Variants in SPTBN1 observed in about 807,000 individuals in gnomAD.
The protein encoded by SPTBN1 is spectrin beta chain, non-erythrocytic 1.
A neutral mutation model predicts 266.4 loss-of-function variants in SPTBN1; 32 were observed. The ratio of observed to expected loss-of-function variants is 0.12; its 90% CI spans 0.09 to 0.16. The LOEUF (loss-of-function observed/expected upper bound fraction) is 0.16, where lower values mean the gene tolerates loss of function less well. Among genes scored for constraint, SPTBN1 ranks in the 10% least tolerant of loss-of-function variants. The pLI, the probability that SPTBN1 is intolerant of heterozygous loss-of-function variation, is 1.00. For missense variants in SPTBN1, 2,296 were observed against 3,067.1 expected, an observed-to-expected ratio of 0.75 and a Z score of 5.94; for synonymous variants, 1,336 against 1,162.2, an observed-to-expected ratio of 1.15 and a Z score of -3.04.
rs149600669 is a variant in SPTBN1 at position 54,494,093 on chromosome 2, G to A, written c.-47-32279G>A. Among the ~76,000 whole-genome samples the A allele has an allele frequency of 1.4e-4, 22 of 152,270 alleles. No homozygotes were observed. In the East Asian group the frequency reaches 3.7e-3, roughly 25 times the overall value. On this transcript the variant is annotated intron_variant, in intron 1 of 35. Transcript: ENST00000356805. The stretch of plus-strand genomic sequence containing the variant: ...CCAAATCCTGAAAAGAATGAGGTAC[G>A]GTGTAGGAATTGGACAGCAGACAGA...
At chr2:54,485,943 C>T (rs1668352753) in intron 1 of SPTBN1, among the ~76,000 whole-genome samples, 1 of 150,064 alleles carries the variant, frequency 6.7e-6, no homozygotes, top group African/African-American at 2.5e-5. Flanking sequence ...GTGAGGAGAC[C>T]CTCTGCCTGG....
chr2:54,509,123 T>A (rs528494471), intron 1 of SPTBN1, among the ~76,000 whole-genome samples: 2 of 152,276 alleles, frequency 1.3e-5, no homozygotes, highest in East Asian at 3.9e-4. Flanking sequence ...TAGCCTGCCT[T>A]TGCTGGTGAG....
intron 2 of SPTBN1, among the ~76,000 whole-genome samples, chr2:54,574,901 C>T (rs1362019994): frequency 6.6e-6 from 1 of 152,176 alleles, no homozygotes; most frequent in East Asian, 1.9e-4. Flanking sequence ...TTATTTATCC[C>T]TTCAGTCACC....
chr2:54,619,418 T>C (rs891356095), intron 7 of SPTBN1, among the ~76,000 whole-genome samples: 7 of 152,206 alleles, frequency 4.6e-5, no homozygotes, highest in African/African-American at 1.7e-4. Flanking sequence ...AACCTTTTTT[T>C]CCCTATCGCA....
chr2:54,616,067 TTTCA>T, intron 4 of SPTBN1, 136 bp from the exon 5 acceptor site: 1 of 602,558 alleles, frequency 1.7e-6, no homozygotes, highest in East Asian at 3.1e-5. Context: ...AGGAAGCAGT[TTTCA>T]TTGACAGGGT....
At chr2:54,511,073 A>T (rs1383048451) in intron 1 of SPTBN1, among the ~76,000 whole-genome samples, 2 of 152,236 alleles carry the variant, frequency 1.3e-5, no homozygotes, top group Admixed American at 6.5e-5. Context: ...CTGGCCCCAC[A>T]GTAGACATAC....
chr2:54,503,324 A>G (rs1669373953), intron 1 of SPTBN1, among the ~76,000 whole-genome samples: 2 of 152,102 alleles, frequency 1.3e-5, no homozygotes, highest in South Asian at 4.1e-4. Flanking sequence ...ATGGAGGACT[A>G]GGCGTAGTGT....
intron 29 of SPTBN1, among the ~76,000 whole-genome samples, chr2:54,656,236 T>G (rs1680646216): frequency 6.6e-6 from 1 of 152,194 alleles, no homozygotes; most frequent in African/African-American, 2.4e-5. Context: ...GGATGTTCTT[T>G]AGGGATGACA....
intron 10 of SPTBN1, 55 bp from the exon 11 acceptor site, chr2:54,624,749 C>G (rs1162394858): frequency 6.2e-6 from 10 of 1,607,026 alleles, no homozygotes; most frequent in Non-Finnish European, 8.5e-6. Flanking sequence ...ACGGAAGTTT[C>G]CTTGAACACT....
chr2:54,471,563 C>G (rs1257801885), intron 1 of SPTBN1, among the ~76,000 whole-genome samples: 1 of 151,058 alleles, frequency 6.6e-6, no homozygotes, highest in African/African-American at 2.4e-5. Flanking sequence ...CAACATCTTA[C>G]TTGGTTGTCT....
chr2:54,650,019 G>T, intron 26 of SPTBN1, 30 bp downstream of exon 26: 1 of 1,576,676 alleles, frequency 6.3e-7, no homozygotes, highest in South Asian at 1.1e-5. Context: ...AGGGGTGCTG[G>T]GGAGGCTTTT....
Position 54,558,350 on chromosome 2 carries a change from T to A in SPTBN1, c.148+31784T>A, listed in dbSNP as rs553503917. On this transcript the variant is annotated intron_variant, in intron 2 of 35. Transcript: ENST00000356805. This position sits in a 1 kb window ranked among gnomAD's most constrained non-coding sequence, Gnocchi z 4.6. ...CGCCCAGCACACGGCGAGTGGCTCC[T>A]GATAAAATTACAAACCGGCGGCCGC... 2 of 998,524 alleles carry A rather than the reference T, an allele frequency of 2.0e-6. No individual in the cohort carries two copies. Among genetic ancestry groups the A allele is most frequent in the East Asian group, 1.1e-4 (1 of 9,030 alleles). 61.9% of individuals were successfully genotyped at this position (998,524 alleles called of 1,614,324 possible). A position where few individuals can be genotyped will look rare whatever the true frequency, so the allele number is the denominator to read the frequency against.
In SPTBN1 at chr2:54,489,046, C is replaced by T. The variant is rs536837318; in HGVS notation, c.-48+32528C>T. 5.3e-5 allele frequency among the ~76,000 whole-genome samples: 8 copies of T among 150,888 alleles called. No individual in the cohort carries two copies. The South Asian group carries it at 1.7e-3, about 32-fold the overall frequency. On this transcript the variant is annotated intron_variant, in intron 1 of 35. Coordinates refer to ENST00000356805, the MANE Select transcript of SPTBN1 (RefSeq NM_003128.3). The stretch of plus-strand genomic sequence containing the variant: ...AAATAAAATGCTGTAATTGGCCAGA[C>T]ATGGTAGCTCATGCCTGTAATCCCA...
chr2:54,626,105 T>C lies in SPTBN1; in HGVS notation c.1515T>C (p.Asn505=). 6.2e-7 allele frequency: 1 copy of C among 1,614,046 alleles called. No individual in the cohort carries two copies. The highest frequency in any genetic ancestry group is 8.5e-7 in the Non-Finnish European group (1 of 1,180,024). ...AGCGCATCACAGCGAGGAAGGACAA[T>C]GTCATCCGGCTCTGGGAATACCTAC... is the stretch of plus-strand genomic sequence containing the variant. The part of the protein sequence containing the change: ...DIKRITARKD[N]VIRLWEYLLE... The change falls in exon 12 of 36, where the codon AAT becomes AAC. Residue 505 remains asparagine (N), a synonymous_variant. Coordinates refer to ENST00000356805, the MANE Select transcript of SPTBN1 (RefSeq NM_003128.3). The surrounding 1 kb of genome is among the most constrained non-coding windows in gnomAD (Gnocchi z 4.7).
At chr2:54,596,777 C>T (rs571401278) in intron 2 of SPTBN1, among the ~76,000 whole-genome samples, 1 of 152,300 alleles carries the variant, frequency 6.6e-6, no homozygotes, top group Admixed American at 6.5e-5. Context: ...GCACAGATCT[C>T]AGTCTGTTTC....
intron 2 of SPTBN1, among the ~76,000 whole-genome samples, chr2:54,588,832 A>T (rs959717054): frequency 1.3e-5 from 2 of 152,178 alleles, no homozygotes; most frequent in African/African-American, 4.8e-5. Context: ...GTTACTGAGA[A>T]TTTTATCACA....
At position 54,522,983 on chromosome 2, in the gene SPTBN1, T is replaced by C. The variant is rs962862437; in HGVS notation, c.-47-3389T>C. On this transcript the variant is annotated intron_variant, in intron 1 of 35. Transcript: ENST00000356805. ...TTGGATTAAATTTTACTTTCTGTAC[T>C]TTCAGAATTTGGGATTAATAGCACT... Among the ~76,000 whole-genome samples the C allele has an allele frequency of 2.0e-5, 3 of 152,192 alleles. No homozygotes were observed. In the East Asian group the frequency reaches 5.8e-4, roughly 29 times the overall value.
Position 54,484,776 on chromosome 2 carries a change from G to A in SPTBN1, c.-48+28258G>A, listed in dbSNP as rs1668267962. Among the ~76,000 whole-genome samples, 4 of 152,148 alleles carry A rather than the reference G, an allele frequency of 2.6e-5. No individual in the cohort carries two copies. In the South Asian group the frequency reaches 8.3e-4, roughly 32 times the overall value. On this transcript the variant is annotated intron_variant, in intron 1 of 35. Coordinates refer to ENST00000356805, the MANE Select transcript of SPTBN1 (RefSeq NM_003128.3). ...GTACCCGGCGTGGGGTGGTTGTGTC[G>A]GAGACAAGCTCCCAGAAAGGCGCAA...
chr2:54,467,708 A>G (rs1478125645), intron 1 of SPTBN1, among the ~76,000 whole-genome samples: 3 of 152,056 alleles, frequency 2.0e-5, no homozygotes, highest in Middle Eastern at 3.2e-3. Flanking sequence ...TAGTGATTAC[A>G]ATAGTTTTAA....
Sources: allele counts gnomAD v4.1 joint callset (sites outside exome capture counted in the v4.1 genomes callset), GRCh38; gene constraint gnomAD v4.1.1; non-coding constraint Gnocchi (gnomAD v3.1); transcripts MANE v1.5; gene names NCBI Gene and HGNC (gene_info 2026-07-23, HGNC 2026-07-21).